The following MTHFD2L variants were observed in gnomAD, a reference collection of about 807,000 sequenced individuals.
MTHFD2L encodes the protein bifunctional methylenetetrahydrofolate dehydrogenase/cyclohydrolase 2, mitochondrial.
In MTHFD2L, 29 loss-of-function variants were observed where a neutral mutation model predicts 34.9. The observed-to-expected ratio is 0.83, with a 90% CI of 0.62 to 1.13. MTHFD2L has a LOEUF of 1.13. Ranked by LOEUF, MTHFD2L falls within the 50% of genes most tolerant of loss-of-function variation. MTHFD2L has a pLI of 0.00. For synonymous variants in MTHFD2L, 167 were observed against 155.7 expected (o/e 1.07, Z -0.54); for missense variants, 481 against 446.5 (o/e 1.08, Z -0.70).
At chr4:74,219,509 A>C (rs1737782450) in intron 5 of MTHFD2L, among the ~76,000 whole-genome samples, 1 of 152,126 alleles carries the variant, frequency 6.6e-6, no homozygotes, top group Non-Finnish European at 1.5e-5. Flanking sequence ...AGGTGCAGCA[A>C]GCCAGAGGAT....
intron 3 of MTHFD2L, among the ~76,000 whole-genome samples, chr4:74,197,460 G>A (rs1733682967): frequency 6.6e-6 from 1 of 152,104 alleles, no homozygotes; most frequent in African/African-American, 2.4e-5. Context: ...TAGGAATAGT[G>A]TTATATTTGG....
intron 1 of MTHFD2L, among the ~76,000 whole-genome samples, chr4:74,150,647 G>T (rs1723874319): frequency 6.6e-6 from 1 of 151,946 alleles, no homozygotes; most frequent in South Asian, 2.1e-4. Flanking sequence ...ATTATTTTCT[G>T]CTCCAAACAT....
At chr4:74,140,665 T>A in intron 1 of MTHFD2L, 1 of 529,608 alleles carries the variant, frequency 1.9e-6, no homozygotes, top group Non-Finnish European at 2.4e-6. Flanking sequence ...GAAAGAGGTT[T>A]AATTGACCCA....
chr4:74,293,462 T>C (rs974695562), intron 7 of MTHFD2L: 2 of 907,944 alleles, frequency 2.2e-6, no homozygotes, highest in African/African-American at 3.6e-5. Context: ...AGGACAATAA[T>C]CCTCTCTATT....
chr4:74,280,008 G>T (rs949086315), intron 6 of MTHFD2L, among the ~76,000 whole-genome samples: 5 of 152,064 alleles, frequency 3.3e-5, no homozygotes, highest in Non-Finnish European at 4.4e-5. Context: ...TGCTTAAATG[G>T]ATAGTACAGG....
At chr4:74,155,813 T>C (rs1724203654), upstream of MTHFD2L, among the ~76,000 whole-genome samples, 2 of 151,764 alleles carry the variant, frequency 1.3e-5, no homozygotes, top group African/African-American at 4.8e-5. Flanking sequence ...TTACCACAAA[T>C]AATTTTCAGG....
intron 3 of MTHFD2L, among the ~76,000 whole-genome samples, chr4:74,192,093 T>C (rs977429084): frequency 2.0e-5 from 3 of 152,112 alleles, no homozygotes; most frequent in Non-Finnish European, 4.4e-5. Context: ...GACAGAAATT[T>C]CTGTCCTTTT....
intron 7 of MTHFD2L, among the ~76,000 whole-genome samples, chr4:74,296,322 A>T (rs541912327): frequency 6.6e-6 from 1 of 152,278 alleles, no homozygotes; most frequent in African/African-American, 2.4e-5. Flanking sequence ...GCAGCAAATT[A>T]TATGGCTGAC....
rs138189660 is a variant in MTHFD2L at position 74,183,385 on chromosome 4, C to T, written c.451+7982C>T. ...ATGATCTAAGAAATACTAAAAGGCC[C>T]GGGTGTGGTGGCTCATGCCTGTAAT... On this transcript the variant is annotated intron_variant, in intron 3 of 7. Transcript: ENST00000325278. 7.2e-3 allele frequency: 1,091 copies of T among 152,140 alleles called. 18 individuals are homozygous for T. The highest frequency in any genetic ancestry group is 0.025 in the African/African-American group (1,030 of 41,504). 9.4% of individuals were successfully genotyped at this position (152,140 alleles called of 1,614,324 possible).
chr4:74,241,932 C>T (rs899481556), intron 6 of MTHFD2L: 1 of 153,986 alleles, frequency 6.5e-6, no homozygotes, highest in African/African-American at 2.4e-5. Flanking sequence ...TTGAAAGTGA[C>T]AAAATTAGCG....
chr4:74,203,116 A>C (rs1170651413), intron 5 of MTHFD2L, among the ~76,000 whole-genome samples: 1 of 152,174 alleles, frequency 6.6e-6, no homozygotes, highest in Non-Finnish European at 1.5e-5. Flanking sequence ...TCTATGCCTA[A>C]AGAATTAAAT....
chr4:74,293,693 T>C (rs1263166788), intron 7 of MTHFD2L: 1 of 163,222 alleles, frequency 6.1e-6, no homozygotes, highest in Non-Finnish European at 1.3e-5. Flanking sequence ...GTGTCATTTT[T>C]CTATCAACCA....
chr4:74,181,984 G>A (rs1449878034), intron 3 of MTHFD2L, among the ~76,000 whole-genome samples: 1 of 152,086 alleles, frequency 6.6e-6, no homozygotes, highest in Admixed American at 6.6e-5. Context: ...TCAAATTTAT[G>A]TATCCAGAAC....
At chr4:74,267,666 C>T in intron 6 of MTHFD2L, 1 of 965,048 alleles carries the variant, frequency 1.0e-6, no homozygotes, top group Non-Finnish European at 1.2e-6. Context: ...AACTCCTGGG[C>T]TCTGGCGATC....
chr4:74,269,965 G>A (rs1412018074), intron 6 of MTHFD2L, among the ~76,000 whole-genome samples: 1 of 151,986 alleles, frequency 6.6e-6, no homozygotes, highest in East Asian at 1.9e-4. Context: ...TGTAGCCTTA[G>A]GATGCACAAA....
At chr4:74,238,780 A>G (rs1741234617) in intron 6 of MTHFD2L, among the ~76,000 whole-genome samples, 1 of 152,360 alleles carries the variant, frequency 6.6e-6, no homozygotes, top group African/African-American at 2.4e-5. Flanking sequence ...AATCAAAACC[A>G]CAATGAGATA....
At chr4:74,150,781 G>GTA (rs1172502566) in intron 1 of MTHFD2L, among the ~76,000 whole-genome samples, 8 of 151,458 alleles carry the variant, frequency 5.3e-5, no homozygotes, top group East Asian at 3.9e-4. Context: ...GTGTGTGTGT[G>GTA]TATATATATA....
At chr4:74,165,242 C>T (rs1726426939) in intron 1 of MTHFD2L, 1 of 152,680 alleles carries the variant, frequency 6.5e-6, no homozygotes, top group African/African-American at 2.4e-5. Context: ...ATTACATGAA[C>T]ATTCAGCATG....
upstream of MTHFD2L, among the ~76,000 whole-genome samples, chr4:74,125,088 G>A (rs1349800264): frequency 1.3e-5 from 2 of 152,146 alleles, no homozygotes; most frequent in Non-Finnish European, 2.9e-5. Flanking sequence ...TGGGGAGGTA[G>A]ATAATCTGAC....
Sources: gnomAD v4.1 joint callset for allele counts (sites outside exome capture counted in the v4.1 genomes callset) on GRCh38, gnomAD v4.1.1 for gene constraint, MANE v1.5 for transcripts, NCBI Gene and HGNC (gene_info 2026-07-23, HGNC 2026-07-21) for gene names.